The following ERBB4 variants were observed in gnomAD, a reference collection of about 807,000 sequenced individuals.
The protein encoded by ERBB4 is receptor tyrosine-protein kinase erbB-4.
ERBB4 carries 42 observed loss-of-function variants against 158.0 expected under a neutral mutation model. The ratio of observed to expected loss-of-function variants is 0.27; its 90% confidence interval spans 0.21 to 0.34. The LOEUF (loss-of-function observed/expected upper bound fraction) is 0.34, where lower values mean the gene tolerates loss of function less well. Among genes scored for constraint, ERBB4 ranks in the 10% least tolerant of loss-of-function variants. The pLI is 1.00. For missense variants in ERBB4, 1,333 were observed against 1,624.1 expected, an observed-to-expected ratio of 0.82 and a Z score of 3.08; for synonymous variants, 583 against 558.7, an observed-to-expected ratio of 1.04 and a Z score of -0.61.
At chr2:211,673,590 G>C (rs988771328) in intron 13 of ERBB4, among the ~76,000 whole-genome samples, 1 of 143,766 alleles carries the variant, frequency 7.0e-6, no homozygotes, top group Non-Finnish European at 1.5e-5. Context: ...TTTAAATAGG[G>C]CTGTGCCTGT....
intron 2 of ERBB4, among the ~76,000 whole-genome samples, chr2:212,067,030 G>C (rs1480366304): frequency 1.3e-5 from 2 of 151,860 alleles, no homozygotes; most frequent in African/African-American, 4.8e-5. Context: ...AACATTACTG[G>C]TTCTTTCATT....
chr2:212,415,193 G>A lies in ERBB4; in HGVS notation c.82+123256C>T, dbSNP rs557776762. ...AGGAATGATCCAAGAACTGGGAAAGGAAATACTTTGGGTCTGTAATTTGAT... is the reference window on the plus strand; with the variant it reads ...AGGAATGATCCAAGAACTGGGAAAGAAAATACTTTGGGTCTGTAATTTGAT... On this transcript the variant is annotated intron_variant, in intron 1 of 27. Coordinates refer to ENST00000342788, the MANE Select transcript of ERBB4 (RefSeq NM_005235.3). Among the ~76,000 whole-genome samples, 305 of 152,158 alleles carry A rather than the reference G, an allele frequency of 2.0e-3. 1 individual carries two copies. Among genetic ancestry groups the A allele is most frequent in the Middle Eastern group, 6.8e-3 (2 of 292 alleles).
chr2:211,501,479 T>C (rs1310846923), intron 20 of ERBB4, among the ~76,000 whole-genome samples: 1 of 142,058 alleles, frequency 7.0e-6, no homozygotes, highest in Admixed American at 7.2e-5. Context: ...TGTACAATTG[T>C]TATGTATCCA....
intron 1 of ERBB4, among the ~76,000 whole-genome samples, chr2:212,151,724 A>G (rs1278747324): frequency 6.6e-6 from 1 of 152,084 alleles, no homozygotes; most frequent in Non-Finnish European, 1.5e-5. Context: ...CCCTGTCTCT[A>G]CTAAAAATAC....
intron 10 of ERBB4, 50 bp downstream of exon 10, chr2:211,705,268 T>TA (rs780415063): frequency 1.4e-5 from 19 of 1,322,326 alleles, no homozygotes; most frequent in East Asian, 4.6e-5. Context: ...GTGTAATTTT[T>TA]AAAAAAATTA....
At chr2:211,818,046 A>G (rs2076915722) in intron 3 of ERBB4, among the ~76,000 whole-genome samples, 1 of 152,140 alleles carries the variant, frequency 6.6e-6, no homozygotes, top group African/African-American at 2.4e-5. Flanking sequence ...ATGATATTAC[A>G]CATTGTTTTT....
At chr2:211,651,418 C>G (rs1259388127) in intron 16 of ERBB4, among the ~76,000 whole-genome samples, 1 of 152,062 alleles carries the variant, frequency 6.6e-6, no homozygotes, top group Non-Finnish European at 1.5e-5. Context: ...ATGTGCTAGA[C>G]AGAAATCAAA....
chr2:212,359,859 T>C (rs2089617333), intron 1 of ERBB4, among the ~76,000 whole-genome samples: 1 of 151,810 alleles, frequency 6.6e-6, no homozygotes, highest in South Asian at 2.1e-4. Context: ...CTTTACATTT[T>C]TTTTTTCAAG....
At chr2:212,263,689 T>C (rs1163005196) in intron 1 of ERBB4, among the ~76,000 whole-genome samples, 1 of 152,072 alleles carries the variant, frequency 6.6e-6, no homozygotes, top group Non-Finnish European at 1.5e-5. Context: ...CATTTTTCTC[T>C]AATTTTCAAA....
chr2:212,408,958 C>T (rs16848495), intron 1 of ERBB4, among the ~76,000 whole-genome samples: 3,398 of 152,274 alleles, frequency 0.022, 98 homozygotes, highest in East Asian at 0.057. Flanking sequence ...GCTATATCAC[C>T]TGGCTACTAC....
At chr2:211,757,040 G>A (rs1210143544) in intron 4 of ERBB4, among the ~76,000 whole-genome samples, 1 of 152,140 alleles carries the variant, frequency 6.6e-6, no homozygotes, top group Non-Finnish European at 1.5e-5. Context: ...GTCTCAATAT[G>A]ATTTGAGCAA....
At chr2:211,716,509 T>C (rs1186783356) in intron 7 of ERBB4, among the ~76,000 whole-genome samples, 1 of 150,260 alleles carries the variant, frequency 6.7e-6, no homozygotes, top group Admixed American at 6.6e-5. Context: ...ACCCCGTCTC[T>C]ACTAAAAATA....
intron 2 of ERBB4, among the ~76,000 whole-genome samples, chr2:211,984,946 G>A (rs2081900119): frequency 6.6e-6 from 1 of 152,030 alleles, no homozygotes; most frequent in Non-Finnish European, 1.5e-5. Context: ...TGCCCAGGCT[G>A]GTATCAAACT....
intron 20 of ERBB4, among the ~76,000 whole-genome samples, chr2:211,520,767 C>T (rs1006295680): frequency 4.6e-5 from 7 of 152,066 alleles, no homozygotes; most frequent in African/African-American, 1.4e-4. Flanking sequence ...TTTCTAATAG[C>T]ATGTACTCAC....
chr2:211,951,439 C>A (rs1249521691), intron 2 of ERBB4, among the ~76,000 whole-genome samples: 1 of 152,054 alleles, frequency 6.6e-6, no homozygotes, highest in African/African-American at 2.4e-5. Flanking sequence ...ATGCTGAACA[C>A]ATAAAGAAGG....
At chr2:211,567,865 T>C (rs1275978905) in intron 19 of ERBB4, among the ~76,000 whole-genome samples, 1 of 151,678 alleles carries the variant, frequency 6.6e-6, no homozygotes, top group African/African-American at 2.4e-5. Context: ...AAAGGGAATA[T>C]GAATTTATTT....
rs540702884 is a variant in ERBB4, at chr2:211,895,692, T to A, written c.421+51738A>T. On this transcript the variant is annotated intron_variant, in intron 3 of 27. Transcript: ENST00000342788. ...TTACATACATCTCCAAATTTTTCTCTGTTTCTCTGCTCCTTTACAGGAAAA... is the reference window on the plus strand; with the variant it reads ...TTACATACATCTCCAAATTTTTCTCAGTTTCTCTGCTCCTTTACAGGAAAA... Among the ~76,000 whole-genome samples, 127 of 152,300 alleles carry A rather than the reference T, an allele frequency of 8.3e-4. 1 individual carries two copies. The highest frequency in any genetic ancestry group is 2.9e-3 in the African/African-American group (121 of 41,580).
chr2:212,470,891 A>T (rs777707014), intron 1 of ERBB4, among the ~76,000 whole-genome samples: 1 of 152,122 alleles, frequency 6.6e-6, no homozygotes, highest in Non-Finnish European at 1.5e-5. Context: ...AAAGCTATCA[A>T]TTAACATGTA....
Position 211,380,867 on chromosome 2 carries a change from A to T in ERBB4, c.*2748T>A, listed in dbSNP as rs931352035. ...CCTTAACAGTTAAAAGTTTGTTTTA[A>T]CTATTCATTTTTTCCTTCTCCAAAA... On this transcript the variant is annotated 3_prime_UTR_variant, in exon 28 of 28. Coordinates refer to ENST00000342788, the MANE Select transcript of ERBB4 (RefSeq NM_005235.3). 4 of 231,910 alleles carry T rather than the reference A, an allele frequency of 1.7e-5. No homozygotes were observed. Among genetic ancestry groups the T allele is most frequent in the Non-Finnish European group, 3.4e-5 (4 of 117,326 alleles). The allele number at this position is 231,910 out of a possible 1,614,324, so 14.4% of individuals were successfully genotyped here.
Sources: allele counts gnomAD v4.1 joint callset (sites outside exome capture counted in the v4.1 genomes callset), GRCh38; gene constraint gnomAD v4.1.1; transcripts MANE v1.5; gene names NCBI Gene and HGNC (gene_info 2026-07-23, HGNC 2026-07-21).